The following PUM1 variants were observed in gnomAD, a reference collection of about 807,000 sequenced individuals.
The protein encoded by PUM1 is pumilio homolog 1.
PUM1 carries 13 observed loss-of-function variants against 131.8 expected under a neutral mutation model. That is an observed-to-expected ratio of 0.10 (90% confidence interval 0.06 to 0.16). The LOEUF (loss-of-function observed/expected upper bound fraction) is 0.16. PUM1 is among the 10% of genes least tolerant of loss of function. The pLI is 1.00. For missense variants in PUM1, 961 were observed against 1,512.4 expected (o/e 0.64, Z 6.05); for synonymous variants, 509 against 556.5 (o/e 0.91, Z 1.20).
chr1:30,971,342 C>T (rs1000406999), intron 10 of PUM1, among the ~76,000 whole-genome samples: 1 of 152,114 alleles, frequency 6.6e-6, no homozygotes, highest in East Asian at 1.9e-4. Flanking sequence ...AAATCAGAAA[C>T]TGGCACCCAA....
Position 30,981,400 on chromosome 1 carries a change from G to T in PUM1, c.1164C>A (p.Phe388Leu). 3 of 1,593,814 alleles carry T rather than the reference G, an allele frequency of 1.9e-6. No homozygotes were observed. Among genetic ancestry groups the T allele is most frequent in the Non-Finnish European group, 2.6e-6 (3 of 1,165,890 alleles). The part of the protein sequence containing the change: ...LFDYNSQQQL[F>L]QRPNALAVQQ... ...GGACAGCAAGCGCATTAGGTCTTTGGAACAGCTGAGGCAAGAGGAAAAACA... is the reference window on the plus strand; with the variant it reads ...GGACAGCAAGCGCATTAGGTCTTTGTAACAGCTGAGGCAAGAGGAAAAACA... Residue 388 changes from phenylalanine (F) to leucine (L), a missense_variant, in exon 8 of 22, where the codon TTC (phenylalanine) becomes TTA (leucine). By Grantham distance (22) the Phe-to-Leu change is conservative. Transcript: ENST00000426105.
chr1:31,030,622 G>A (rs2124549913), intron 2 of PUM1, among the ~76,000 whole-genome samples: 1 of 152,020 alleles, frequency 6.6e-6, no homozygotes, highest in African/African-American at 2.4e-5. Context: ...GAGGTGGGAA[G>A]ATAGCCTGCA....
intron 17 of PUM1, among the ~76,000 whole-genome samples, chr1:30,949,918 T>C (rs907340092): frequency 2.0e-5 from 3 of 152,200 alleles, no homozygotes; most frequent in African/African-American, 4.8e-5. Context: ...GGAAGAGTAT[T>C]GGATACCACA....
At chr1:30,980,677 T>C (rs1055273048) in intron 8 of PUM1, among the ~76,000 whole-genome samples, 1 of 152,118 alleles carries the variant, frequency 6.6e-6, no homozygotes, top group Non-Finnish European at 1.5e-5. Context: ...ACATCCAAGA[T>C]TAGCTATCTC....
intron 3 of PUM1, among the ~76,000 whole-genome samples, chr1:31,019,712 C>A (rs1333929415): frequency 6.6e-6 from 1 of 152,098 alleles, no homozygotes; most frequent in African/African-American, 2.4e-5. Context: ...GGAACAGAGC[C>A]AAGAAACTTC....
chr1:31,010,645 G>A (rs190832354), intron 3 of PUM1, among the ~76,000 whole-genome samples: 6 of 152,282 alleles, frequency 3.9e-5, no homozygotes, highest in South Asian at 2.1e-4. Context: ...GAGATCCTCC[G>A]TCCAACAACC....
chr1:30,965,395 C>T (rs1640579011), intron 13 of PUM1, among the ~76,000 whole-genome samples: 1 of 152,208 alleles, frequency 6.6e-6, no homozygotes, highest in African/African-American at 2.4e-5. Flanking sequence ...CTTTCTTTCA[C>T]ACATGCCCTT....
At chr1:31,035,661 G>A (rs1643585915) in intron 2 of PUM1, among the ~76,000 whole-genome samples, 1 of 151,986 alleles carries the variant, frequency 6.6e-6, no homozygotes, top group South Asian at 2.1e-4. Context: ...TGAGGCAGGA[G>A]AATTGCTTGA....
At position 30,950,130 on chromosome 1, in the gene PUM1, T is replaced by A; in HGVS notation, c.2853A>T (p.Val951=). 6.2e-7 allele frequency: 1 copy of A among 1,611,288 alleles called. No individual in the cohort carries two copies. The highest frequency in any genetic ancestry group is 8.5e-7 in the Non-Finnish European group (1 of 1,178,692). Residue 951 remains valine (V), a synonymous_variant, in exon 17 of 22, where the codon GTA becomes GTT. Transcript: ENST00000426105. ...ALEFIPSDQQ[V]INEMVRELDG... ...AAAAGTTAAAGGGGAAACTTACAATTACCTGCTGGTCTGAAGGAATAAACT... is the reference window on the plus strand; with the variant it reads ...AAAAGTTAAAGGGGAAACTTACAATAACCTGCTGGTCTGAAGGAATAAACT...
In PUM1 at chr1:31,046,491, T is replaced by G. The variant is rs1377474325; in HGVS notation, c.363+12713A>C. On this transcript the variant is annotated intron_variant, in intron 2 of 21. Coordinates refer to ENST00000426105, the MANE Select transcript of PUM1 (RefSeq NM_001020658.2). ...AATAACTGCAGCGGGGTTTTTGGGT[T>G]TTTTTTTTTTGTTTTTTTGGTTTTT... Among the ~76,000 whole-genome samples, 87 of 28,958 alleles carry G rather than the reference T, an allele frequency of 3.0e-3. No homozygotes were observed. The East Asian group carries it at 0.068, about 23-fold the overall frequency. 19.0% of individuals were successfully genotyped at this position (28,958 alleles called of 152,430 possible). A position where few individuals can be genotyped will look rare whatever the true frequency, so the allele number is the denominator to read the frequency against.
chr1:31,005,614 C>T (rs1036382040), intron 5 of PUM1, among the ~76,000 whole-genome samples: 2 of 152,094 alleles, frequency 1.3e-5, no homozygotes, highest in African/African-American at 4.8e-5. Flanking sequence ...TCTCACAATA[C>T]TATCAATGTG....
chr1:30,967,420 A>G lies in PUM1; in HGVS notation c.1646-110T>C. On this transcript the variant is annotated intron_variant, in intron 11 of 21. Coordinates refer to ENST00000426105, the MANE Select transcript of PUM1 (RefSeq NM_001020658.2). Reference sequence around the variant, plus strand: ...ACTCAGCTTTGAGGTTGAATTGGCCAGATTTATATACTGGCTCCATCACTT... The same window carrying G: ...ACTCAGCTTTGAGGTTGAATTGGCCGGATTTATATACTGGCTCCATCACTT... 2.9e-6 allele frequency: 3 copies of G among 1,022,662 alleles called. No homozygotes were observed. In the South Asian group the frequency reaches 4.7e-5, roughly 16 times the overall value. 63.3% of individuals were successfully genotyped at this position (1,022,662 alleles called of 1,614,324 possible).
chr1:30,945,315 G>T lies in PUM1; in HGVS notation c.2994+31C>A, dbSNP rs545304295. On this transcript the variant is annotated intron_variant, in intron 18 of 21. Transcript: ENST00000426105. ...TTCTGCTCACAAAGGAAATAAATTTGTTTCCATTATTTCTCTCCTGGGTCA... is the reference window on the plus strand; with the variant it reads ...TTCTGCTCACAAAGGAAATAAATTTTTTTCCATTATTTCTCTCCTGGGTCA... 8.4e-5 allele frequency: 135 copies of T among 1,607,870 alleles called. 2 individuals carry two copies. The South Asian group carries it at 1.3e-3, about 15-fold the overall frequency.
intron 21 of PUM1, among the ~76,000 whole-genome samples, chr1:30,933,885 G>T (rs10914237): frequency 6.6e-6 from 1 of 152,014 alleles, no homozygotes; most frequent in African/African-American, 2.4e-5. Context: ...TGAACATCAT[G>T]AGCTGGTGTG....
chr1:31,061,707 C>A (rs1644372600), intron 1 of PUM1: 1 of 152,084 alleles, frequency 6.6e-6, no homozygotes, highest in South Asian at 2.1e-4. Context: ...ACCTACAATC[C>A]CAGCACTTTG....
intron 3 of PUM1, among the ~76,000 whole-genome samples, chr1:31,007,375 A>C (rs192291371): frequency 0.01 from 1,572 of 152,346 alleles, 13 homozygotes; most frequent in Non-Finnish European, 0.015. Flanking sequence ...TTACTCGCTT[A>C]ACCCATGCCA....
At chr1:31,058,563 G>A (rs1644298467) in intron 2 of PUM1, among the ~76,000 whole-genome samples, 1 of 151,904 alleles carries the variant, frequency 6.6e-6, no homozygotes, top group South Asian at 2.1e-4. Flanking sequence ...TCGGGAGGCT[G>A]AGGCAGGAGA....
At chr1:30,934,559 G>C (rs1639118327) in intron 21 of PUM1, among the ~76,000 whole-genome samples, 1 of 152,126 alleles carries the variant, frequency 6.6e-6, no homozygotes, top group South Asian at 2.1e-4. Flanking sequence ...AAACTGGCTG[G>C]TGGCAAACAG....
chr1:31,057,263 T>G (rs928454922), intron 2 of PUM1, among the ~76,000 whole-genome samples: 1 of 149,510 alleles, frequency 6.7e-6, no homozygotes, highest in African/African-American at 2.5e-5. Flanking sequence ...AGTAGCCGGG[T>G]GTAGTGTTGC....
Sources: allele counts gnomAD v4.1 joint callset (sites outside exome capture counted in the v4.1 genomes callset), GRCh38; gene constraint gnomAD v4.1.1; transcripts MANE v1.5; gene names NCBI Gene and HGNC (gene_info 2026-07-23, HGNC 2026-07-21).